Variants in SKP1 observed in about 807,000 individuals in gnomAD.
SKP1 encodes S-phase kinase-associated protein 1.
A neutral mutation model predicts 21.5 loss-of-function variants in SKP1; 1 was observed. The observed-to-expected ratio is 0.05, with a 90% CI of 0.02 to 0.22. The LOEUF is 0.22. Among genes scored for constraint, SKP1 ranks in the 10% least tolerant of loss-of-function variants. SKP1 has a pLI of 1.00. For synonymous variants in SKP1, 59 were observed against 59.3 expected (o/e 0.99, Z 0.03); for missense variants, 70 against 192.0 (o/e 0.36, Z 3.76).
intron 3 of SKP1, among the ~76,000 whole-genome samples, chr5:134,165,610 G>A (rs1338551515): frequency 2.0e-5 from 3 of 147,436 alleles, no homozygotes; most frequent in East Asian, 2.0e-4. Context: ...AAAAATGCCA[G>A]GCTCGGTGGC....
At position 134,164,740 on chromosome 5, in the gene SKP1, G is replaced by T. The variant is rs184793190; in HGVS notation, c.171+2430C>A. Among the ~76,000 whole-genome samples, 49 of 152,176 alleles carry T rather than the reference G, an allele frequency of 3.2e-4. 1 individual carries two copies. Among genetic ancestry groups the T allele is most frequent in the East Asian group, 1.9e-3 (10 of 5,188 alleles). The stretch of plus-strand genomic sequence containing the variant: ...CCTCTAAATCGTAACATGAATTAAC[G>T]TAAGACAAGCAAACTGGTAGAAACT... On this transcript the variant is annotated intron_variant, in intron 3 of 5. Transcript: ENST00000353411.
At chr5:134,162,508 C>T (rs988924766) in intron 3 of SKP1, among the ~76,000 whole-genome samples, 11 of 152,260 alleles carry the variant, frequency 7.2e-5, no homozygotes, top group African/African-American at 2.2e-4. Context: ...TGGGTTCAAG[C>T]GATTCTCCTG....
intron 3 of SKP1, among the ~76,000 whole-genome samples, chr5:134,165,078 G>A (rs1028716683): frequency 7.1e-6 from 1 of 140,936 alleles, no homozygotes; most frequent in Non-Finnish European, 1.5e-5. Flanking sequence ...TGAGGGGGGA[G>A]GGTGTACCGA....
In SKP1 at chr5:134,154,120, G is replaced by A. The variant is rs1270965738; in HGVS notation, c.*3613C>T. 2 of 152,062 alleles carry A rather than the reference G, an allele frequency of 1.3e-5. No homozygotes were observed. Among genetic ancestry groups the A allele is most frequent in the African/African-American group, 4.8e-5 (2 of 41,398 alleles). The allele number at this position is 152,062 out of a possible 1,614,324, so 9.4% of individuals were successfully genotyped here. On this transcript the variant is annotated 3_prime_UTR_variant, in exon 6 of 6. Transcript: ENST00000353411. Reference sequence around the variant, plus strand: ...AATAGATTAAGGCAAGCTAACACATGGCACTTCAAAAGAGTAACTTGCTTC... The same window carrying A: ...AATAGATTAAGGCAAGCTAACACATAGCACTTCAAAAGAGTAACTTGCTTC...
chr5:134,166,120 G>A (rs912412712), intron 3 of SKP1, among the ~76,000 whole-genome samples: 8 of 151,662 alleles, frequency 5.3e-5, no homozygotes, highest in African/African-American at 1.9e-4. Context: ...GGAAGGCAGA[G>A]GCTGCAGTGA....
chr5:134,160,117 A>G (rs1279479688), intron 4 of SKP1, among the ~76,000 whole-genome samples: 3 of 151,758 alleles, frequency 2.0e-5, no homozygotes, highest in Admixed American at 2.0e-4. Flanking sequence ...ACACTTTGGG[A>G]GGCCTAGGTA....
intron 3 of SKP1, among the ~76,000 whole-genome samples, chr5:134,166,671 T>C (rs1761339400): frequency 6.6e-6 from 1 of 151,534 alleles, no homozygotes; most frequent in Non-Finnish European, 1.5e-5. Context: ...AAGGATAAAT[T>C]GCTACCTGAA....
intron 2 of SKP1, among the ~76,000 whole-genome samples, chr5:134,172,884 C>T (rs145266390): frequency 1.3e-5 from 2 of 151,948 alleles, no homozygotes; most frequent in Non-Finnish European, 2.9e-5. Context: ...TGGTGGCATG[C>T]ACCTGTAATC....
chr5:134,167,319 C>T, intron 2 of SKP1, 76 bp from the exon 3 acceptor site: 2 of 923,652 alleles, frequency 2.2e-6, no homozygotes, highest in Non-Finnish European at 3.5e-6. Flanking sequence ...TGTCTCAAAA[C>T]ATAAGAGTCA....
rs79044029 is a variant in SKP1, at chr5:134,164,800, T to C, written c.171+2370A>G. On this transcript the variant is annotated intron_variant, in intron 3 of 5. Transcript: ENST00000353411. ...TTCTTATAAAAAGCCTATTAGATAA[T>C]ACCACTGAATTGTCACTTAAAAATG... Among the ~76,000 whole-genome samples the C allele has an allele frequency of 1.3e-3, 196 of 152,280 alleles. 2 individuals carry two copies. In the East Asian group the frequency reaches 0.032, roughly 25 times the overall value.
At chr5:134,167,685 G>A (rs368435735) in intron 2 of SKP1, among the ~76,000 whole-genome samples, 11 of 152,032 alleles carry the variant, frequency 7.2e-5, no homozygotes, top group South Asian at 2.1e-4. Context: ...CACCACGCCC[G>A]GCTAATTTTT....
At chr5:134,159,612 A>T (rs987364002) in intron 4 of SKP1, among the ~76,000 whole-genome samples, 8 of 150,690 alleles carry the variant, frequency 5.3e-5, no homozygotes, top group Non-Finnish European at 1.2e-4. Context: ...CAGTGGTGCG[A>T]TATCGGCTCA....
intron 3 of SKP1, among the ~76,000 whole-genome samples, chr5:134,164,322 G>GAAAAAAAAAAA (rs55637997): frequency 2.5e-5 from 3 of 122,128 alleles, no homozygotes; most frequent in African/African-American, 9.5e-5. Context: ...TCCATCTCAA[G>GAAAAAAAAAAA]AAAAAAAAAA....
chr5:134,160,155 A>C (rs1226918404), intron 4 of SKP1, among the ~76,000 whole-genome samples: 2 of 151,552 alleles, frequency 1.3e-5, no homozygotes, highest in Non-Finnish European at 2.9e-5. Flanking sequence ...CAGGAGTTCA[A>C]GACCATCCTG....
intron 3 of SKP1, chr5:134,161,445 G>A: frequency 4.9e-6 from 1 of 204,698 alleles, no homozygotes. Flanking sequence ...GATTAGCTGA[G>A]AGAATATAAA....
rs770602441 is a variant in SKP1, at chr5:134,149,007, C to T, written c.*8726G>A. 8.5e-5 allele frequency: 13 copies of T among 152,172 alleles called. No homozygotes were observed. The highest frequency in any genetic ancestry group is 1.2e-4 in the Non-Finnish European group (8 of 68,032). The allele number at this position is 152,172 out of a possible 1,614,324, so 9.4% of individuals were successfully genotyped here. A position where few individuals can be genotyped will look rare whatever the true frequency, so the allele number is the denominator to read the frequency against. ...ATTATTTGTATACATTTAGGGGGTACAAATGCAGCTGTGTTACATGAATAT... is the reference window on the plus strand; with the variant it reads ...ATTATTTGTATACATTTAGGGGGTATAAATGCAGCTGTGTTACATGAATAT... On this transcript the variant is annotated 3_prime_UTR_variant, in exon 6 of 6. Coordinates refer to ENST00000353411, the MANE Select transcript of SKP1 (RefSeq NM_170679.3).
intron 2 of SKP1, among the ~76,000 whole-genome samples, chr5:134,168,706 A>G (rs1304492652): frequency 1.3e-5 from 2 of 152,126 alleles, no homozygotes; most frequent in African/African-American, 4.8e-5. Context: ...CAGACAGTAG[A>G]ATTTGCCAAC....
chr5:134,160,886 G>A (rs1761208020), intron 4 of SKP1, 101 bp downstream of exon 4: 2 of 732,232 alleles, frequency 2.7e-6, no homozygotes, highest in South Asian at 4.2e-5. Context: ...TTTGAATTTA[G>A]AGAGTATTAA....
chr5:134,170,094 A>G (rs1405112076), intron 2 of SKP1, among the ~76,000 whole-genome samples: 11 of 152,018 alleles, frequency 7.2e-5, no homozygotes, highest in Middle Eastern at 3.4e-3. Context: ...GCTTGAACCC[A>G]GGAGGCAGAG....
Sources: gnomAD v4.1 joint callset for allele counts (sites outside exome capture counted in the v4.1 genomes callset) on GRCh38, gnomAD v4.1.1 for gene constraint, MANE v1.5 for transcripts, NCBI Gene and HGNC (gene_info 2026-07-23, HGNC 2026-07-21) for gene names.